The following CDK14 variants were observed in gnomAD, a reference collection of about 807,000 sequenced individuals.
CDK14 encodes cyclin dependent kinase 14, also known as cyclin-dependent kinase 14.
CDK14 carries 34 observed loss-of-function variants against 60.7 expected under a neutral mutation model. That is an observed-to-expected ratio of 0.56 (90% CI 0.43 to 0.75). The LOEUF (loss-of-function observed/expected upper bound fraction) is 0.75, where lower values mean the gene tolerates loss of function less well. Ranked by LOEUF, CDK14 falls within the 30% of genes least tolerant of loss-of-function variation. CDK14 has a pLI of 0.00. For missense variants in CDK14, 482 were observed against 564.1 expected, an observed-to-expected ratio of 0.85 and a Z score of 1.47; for synonymous variants, 197 against 203.7, an observed-to-expected ratio of 0.97 and a Z score of 0.28.
At chr7:90,744,744 G>A (rs1231704841) in intron 3 of CDK14, among the ~76,000 whole-genome samples, 5 of 135,400 alleles carry the variant, frequency 3.7e-5, no homozygotes, top group Admixed American at 1.4e-4. Context: ...CCTCCCGGAC[G>A]GGGCGGCTGG....
intron 2 of CDK14, chr7:90,709,619 A>G (rs1221882606): frequency 1.9e-6 from 3 of 1,608,264 alleles, no homozygotes; most frequent in Non-Finnish European, 2.5e-6. Flanking sequence ...AGGCAAGTCC[A>G]TCGTGTTTGG....
At chr7:90,712,918 A>G (rs1802118437) in intron 2 of CDK14, among the ~76,000 whole-genome samples, 2 of 152,146 alleles carry the variant, frequency 1.3e-5, no homozygotes, top group East Asian at 1.9e-4. Flanking sequence ...TACTTTAGAA[A>G]TTGTGTTATT....
chr7:90,893,191 G>A (rs1792191586), intron 6 of CDK14, among the ~76,000 whole-genome samples: 1 of 152,136 alleles, frequency 6.6e-6, no homozygotes, highest in African/African-American at 2.4e-5. Flanking sequence ...AGGCATTCAG[G>A]TGTAACCTTG....
intron 5 of CDK14, among the ~76,000 whole-genome samples, chr7:90,851,198 G>A (rs1002095688): frequency 2.0e-5 from 3 of 152,158 alleles, no homozygotes; most frequent in African/African-American, 7.2e-5. Context: ...GTCCTCAATG[G>A]TCAAATAAAG....
At chr7:90,995,957 G>A (rs1481667069) in intron 10 of CDK14, among the ~76,000 whole-genome samples, 6 of 152,176 alleles carry the variant, frequency 3.9e-5, no homozygotes, top group Admixed American at 3.9e-4. Context: ...GAAATGTTAA[G>A]CATGTTTTAA....
chr7:90,885,505 G>A (rs1310898479), intron 6 of CDK14, among the ~76,000 whole-genome samples: 1 of 152,190 alleles, frequency 6.6e-6, no homozygotes, highest in Non-Finnish European at 1.5e-5. Flanking sequence ...AAGACAGTGT[G>A]GCGATTTCTC....
At chr7:90,683,564 G>A (rs542308633) in intron 2 of CDK14, among the ~76,000 whole-genome samples, 33 of 152,370 alleles carry the variant, frequency 2.2e-4, no homozygotes, top group Admixed American at 3.9e-4. Context: ...ACTTTGGGAG[G>A]CCAAGGCGGG....
chr7:90,848,769 C>G (rs1235915752), intron 5 of CDK14, among the ~76,000 whole-genome samples: 1 of 151,992 alleles, frequency 6.6e-6, no homozygotes, highest in Non-Finnish European at 1.5e-5. Flanking sequence ...AATCTGTATT[C>G]AAAGTGATAT....
intron 13 of CDK14, among the ~76,000 whole-genome samples, chr7:91,117,472 G>A (rs950532813): frequency 2.0e-5 from 3 of 151,828 alleles, no homozygotes; most frequent in African/African-American, 7.3e-5. Context: ...CTAGACATAC[G>A]CATGGTTTGC....
intron 14 of CDK14, among the ~76,000 whole-genome samples, chr7:91,202,442 T>C (rs917355811): frequency 3.3e-5 from 5 of 152,228 alleles, no homozygotes; most frequent in African/African-American, 1.2e-4. Context: ...TCATGTACAC[T>C]GTTCATTTGT....
intron 14 of CDK14, among the ~76,000 whole-genome samples, chr7:91,186,979 T>A (rs116495924): frequency 0.013 from 2,038 of 152,300 alleles, 61 homozygotes; most frequent in African/African-American, 0.045. Context: ...AGGAGACCTA[T>A]TAGCTCAATT....
intron 3 of CDK14, among the ~76,000 whole-genome samples, chr7:90,731,659 A>G (rs909025720): frequency 2.6e-5 from 4 of 152,174 alleles, no homozygotes; most frequent in African/African-American, 9.7e-5. Context: ...ATTGGTGTAT[A>G]GGAATGCTTG....
At chr7:91,070,536 A>T (rs896110003) in intron 11 of CDK14, among the ~76,000 whole-genome samples, 1 of 152,138 alleles carries the variant, frequency 6.6e-6, no homozygotes. Context: ...AAGCAGGAGG[A>T]TTGCTTGAGC....
intron 12 of CDK14, among the ~76,000 whole-genome samples, chr7:91,110,520 G>GA (rs1446662665): frequency 1.3e-5 from 2 of 152,110 alleles, no homozygotes; most frequent in African/African-American, 4.8e-5. Flanking sequence ...CAATAGATGA[G>GA]AAAACCAAGA....
chr7:91,036,831 T>G (rs1157297760), intron 10 of CDK14, among the ~76,000 whole-genome samples: 1 of 152,210 alleles, frequency 6.6e-6, no homozygotes, highest in Non-Finnish European at 1.5e-5. Flanking sequence ...TGACTGTGCA[T>G]GGGGTTGGTG....
intron 10 of CDK14, among the ~76,000 whole-genome samples, chr7:91,036,695 G>T (rs1280276410): frequency 4.6e-5 from 7 of 151,784 alleles, no homozygotes; most frequent in Non-Finnish European, 8.8e-5. Flanking sequence ...TTTTTTTCTA[G>T]CTTACTTTAT....
intron 5 of CDK14, among the ~76,000 whole-genome samples, chr7:90,806,696 G>T (rs1035358647): frequency 1.3e-5 from 2 of 152,210 alleles, no homozygotes; most frequent in African/African-American, 4.8e-5. Context: ...AGCACAAGAG[G>T]TCAGGGAATT....
At chr7:90,892,539 G>T (rs1792167389) in intron 6 of CDK14, among the ~76,000 whole-genome samples, 1 of 151,992 alleles carries the variant, frequency 6.6e-6, no homozygotes, top group Non-Finnish European at 1.5e-5. Flanking sequence ...TTAACAAGGG[G>T]TTATTTTTCT....
chr7:90,894,675 A>G (rs1046907699), intron 6 of CDK14, among the ~76,000 whole-genome samples: 2 of 152,218 alleles, frequency 1.3e-5, no homozygotes, highest in Middle Eastern at 3.2e-3. Flanking sequence ...ATTCACAAGC[A>G]TATAATATTC....
Sources: gnomAD v4.1 joint callset for allele counts (sites outside exome capture counted in the v4.1 genomes callset) on GRCh38, gnomAD v4.1.1 for gene constraint, MANE v1.5 for transcripts, NCBI Gene and HGNC (gene_info 2026-07-23, HGNC 2026-07-21) for gene names.